GRK3: variants seen among roughly 807,000 people sequenced by gnomAD.
GRK3 encodes the protein G protein-coupled receptor kinase 3.
In GRK3, 54 loss-of-function variants were observed where a neutral mutation model predicts 95.7. That is an observed-to-expected ratio of 0.56 (90% CI 0.45 to 0.71). GRK3 has a LOEUF of 0.71. Among genes scored for constraint, GRK3 ranks in the 30% least tolerant of loss-of-function variants. The pLI is 0.00. For missense variants in GRK3, 649 were observed against 851.2 expected, an observed-to-expected ratio of 0.76 and a Z score of 2.96; for synonymous variants, 281 against 290.8, an observed-to-expected ratio of 0.97 and a Z score of 0.34.
At chr22:25,626,689 A>G (rs1288910951) in intron 2 of GRK3, among the ~76,000 whole-genome samples, 1 of 152,238 alleles carries the variant, frequency 6.6e-6, no homozygotes, top group Non-Finnish European at 1.5e-5. Context: ...TGCTCTAGCA[A>G]GTAGTCATTT....
At chr22:25,672,439 C>T (rs1016022588) in intron 7 of GRK3, 92 bp downstream of exon 7, 5 of 709,382 alleles carry the variant, frequency 7.0e-6, no homozygotes, top group Admixed American at 5.5e-5. Flanking sequence ...GAACGTACTC[C>T]CAGAGGGTCC....
At chr22:25,614,253 G>C (rs2084521108) in intron 2 of GRK3, among the ~76,000 whole-genome samples, 1 of 151,800 alleles carries the variant, frequency 6.6e-6, no homozygotes, top group South Asian at 2.1e-4. Context: ...TCAGCCTCCC[G>C]AGTAGCTAGG....
At chr22:25,599,838 A>G (rs532158964) in intron 1 of GRK3, among the ~76,000 whole-genome samples, 15 of 152,114 alleles carry the variant, frequency 9.9e-5, no homozygotes, top group Non-Finnish European at 2.1e-4. Flanking sequence ...CACCCACCAA[A>G]ATGGCTAAAA....
At chr22:25,699,473 C>G (rs894197937) in intron 13 of GRK3, among the ~76,000 whole-genome samples, 3 of 152,052 alleles carry the variant, frequency 2.0e-5, no homozygotes, top group Non-Finnish European at 4.4e-5. Context: ...CTACTGGCAT[C>G]CCCTAAGTAG....
At chr22:25,591,142 T>C (rs1235771626) in intron 1 of GRK3, among the ~76,000 whole-genome samples, 1 of 152,200 alleles carries the variant, frequency 6.6e-6, no homozygotes, top group Non-Finnish European at 1.5e-5. Flanking sequence ...CGGGCTCCCA[T>C]GACCATCCTC....
At chr22:25,697,271 A>AC (rs2085216891) in intron 13 of GRK3, among the ~76,000 whole-genome samples, 1 of 152,224 alleles carries the variant, frequency 6.6e-6, no homozygotes, top group African/African-American at 2.4e-5. Context: ...TCATTTTTTA[A>AC]AAGACTAGAG....
intron 1 of GRK3, among the ~76,000 whole-genome samples, chr22:25,586,533 T>G (rs1454139347): frequency 2.0e-5 from 3 of 152,386 alleles, no homozygotes; most frequent in Non-Finnish European, 4.4e-5. Flanking sequence ...TTAAAAAAAA[T>G]CATGACAGTC....
At chr22:25,721,504 A>G (rs2085432082) in intron 20 of GRK3, 107 bp downstream of exon 20, 6 of 677,016 alleles carry the variant, frequency 8.9e-6, no homozygotes, top group Admixed American at 6.5e-5. Context: ...ATCACTTACA[A>G]ACTTAGTAAG....
chr22:25,616,834 C>T (rs1234725740), intron 2 of GRK3, among the ~76,000 whole-genome samples: 1 of 152,146 alleles, frequency 6.6e-6, no homozygotes, highest in African/African-American at 2.4e-5. Context: ...GACTGTAGGG[C>T]GATGATGTTG....
intron 19 of GRK3, among the ~76,000 whole-genome samples, chr22:25,720,900 A>G (rs1039525694): frequency 6.6e-6 from 1 of 152,106 alleles, no homozygotes; most frequent in Non-Finnish European, 1.5e-5. Flanking sequence ...TTAAAACTGA[A>G]CCACACACCT....
At chr22:25,588,501 C>A (rs1932391293) in intron 1 of GRK3, among the ~76,000 whole-genome samples, 1 of 152,248 alleles carries the variant, frequency 6.6e-6, no homozygotes, top group African/African-American at 2.4e-5. Flanking sequence ...ATTTAAGATT[C>A]TTTTACAGAC....
At chr22:25,602,525 T>A (rs1003710082) in intron 1 of GRK3, among the ~76,000 whole-genome samples, 1 of 152,254 alleles carries the variant, frequency 6.6e-6, no homozygotes, top group African/African-American at 2.4e-5. Flanking sequence ...TACATAGATA[T>A]TTAAAGCACC....
chr22:25,649,268 C>T lies in GRK3; in HGVS notation c.264+4603C>T. Reference sequence around the variant, plus strand: ...AGCCTATTTTATATGCTCACATCTGCCAAAATGTGAAGAACCTGTATAGAA... The same window carrying T: ...AGCCTATTTTATATGCTCACATCTGTCAAAATGTGAAGAACCTGTATAGAA... On this transcript the variant is annotated intron_variant, in intron 3 of 20. Transcript: ENST00000324198. 3 of 994,674 alleles carry T rather than the reference C, an allele frequency of 3.0e-6. No homozygotes were observed. The Admixed American group carries it at 5.2e-5, about 17-fold the overall frequency. The allele number at this position is 994,674 out of a possible 1,614,324, so 61.6% of individuals were successfully genotyped here.
At chr22:25,586,505 C>T (rs1932313924) in intron 1 of GRK3, among the ~76,000 whole-genome samples, 1 of 152,238 alleles carries the variant, frequency 6.6e-6, no homozygotes, top group Non-Finnish European at 1.5e-5. Flanking sequence ...TGTGTACACA[C>T]AAATGTTAAA....
At chr22:25,585,414 T>G (rs983975311) in intron 1 of GRK3, among the ~76,000 whole-genome samples, 1 of 152,190 alleles carries the variant, frequency 6.6e-6, no homozygotes, top group African/African-American at 2.4e-5. Flanking sequence ...TGCTATCCAT[T>G]AATTAAAACT....
At chr22:25,651,454 G>A (rs370600091) in intron 3 of GRK3, among the ~76,000 whole-genome samples, 6 of 152,254 alleles carry the variant, frequency 3.9e-5, no homozygotes, top group Admixed American at 3.3e-4. Flanking sequence ...AATGGTTCTC[G>A]TACTAAAAAC....
intron 1 of GRK3, 151 bp downstream of exon 1, chr22:25,565,304 T>G: frequency 2.3e-6 from 1 of 425,970 alleles, no homozygotes; most frequent in Non-Finnish European, 4.2e-6. Context: ...GGCCTCGTCG[T>G]TCCAGTCTCT....
At chr22:25,639,078 G>A (rs1250723625) in intron 2 of GRK3, among the ~76,000 whole-genome samples, 1 of 152,042 alleles carries the variant, frequency 6.6e-6, no homozygotes, top group Non-Finnish European at 1.5e-5. Flanking sequence ...TGTAAGAATT[G>A]TCTTTGTTTG....
In GRK3 at chr22:25,704,089, C is replaced by A. The variant is rs1449297612; in HGVS notation, c.1228-20C>A. 7 of 1,588,298 alleles carry A rather than the reference C, an allele frequency of 4.4e-6. No homozygotes were observed. The highest frequency in any genetic ancestry group is 6.0e-6 in the Non-Finnish European group (7 of 1,158,894). ...TGTTTCATGAACGGATTTTTGAAAT[C>A]TTACTCGTCTTTTCCCCAGAATGTG... On this transcript the variant is annotated intron_variant, in intron 14 of 20. Coordinates refer to ENST00000324198, the MANE Select transcript of GRK3 (RefSeq NM_005160.4).
Sources: gnomAD v4.1 joint callset for allele counts (sites outside exome capture counted in the v4.1 genomes callset) on GRCh38, gnomAD v4.1.1 for gene constraint, MANE v1.5 for transcripts, NCBI Gene and HGNC (gene_info 2026-07-23, HGNC 2026-07-21) for gene names.